The following ERI1 variants were observed in gnomAD, a reference collection of about 807,000 sequenced individuals.
ERI1 encodes 3'-5' exoribonuclease 1.
ERI1 carries 39 observed loss-of-function variants against 39.7 expected under a neutral mutation model. That is an observed-to-expected ratio of 0.98 (90% CI 0.76 to 1.28). The LOEUF is 1.28. Ranked by LOEUF, ERI1 falls within the 50% of genes most tolerant of loss-of-function variation. The pLI, the probability that ERI1 is intolerant of heterozygous loss-of-function variation, is 0.00. For missense variants in ERI1, 581 were observed against 416.9 expected (o/e 1.39, Z -3.43); for synonymous variants, 204 against 149.6 (o/e 1.36, Z -2.65).
chr8:9,076,739 T>G (rs761798506), intron 3 of ERI1, among the ~76,000 whole-genome samples: 42 of 152,184 alleles, frequency 2.8e-4, no homozygotes, highest in Non-Finnish European at 5.6e-4. Flanking sequence ...CTGGGCATAT[T>G]TAACAAGAAG....
At chr8:9,025,457 C>T (rs1009498569) in intron 6 of ERI1, among the ~76,000 whole-genome samples, 1 of 152,218 alleles carries the variant, frequency 6.6e-6, no homozygotes, top group Non-Finnish European at 1.5e-5. Flanking sequence ...CTGCGTTTTG[C>T]AGCGCTTCTT....
At chr8:9,011,037 TTTCATA>T (rs1420149988) in intron 2 of ERI1, among the ~76,000 whole-genome samples, 53 of 152,304 alleles carry the variant, frequency 3.5e-4, no homozygotes, top group South Asian at 2.3e-3. Flanking sequence ...CTCATAATGC[TTTCATA>T]TTCATATGAA....
At chr8:9,037,585 G>C (rs145781604), downstream of ERI1, among the ~76,000 whole-genome samples, 354 of 152,052 alleles carry the variant, frequency 2.3e-3, no homozygotes, top group Non-Finnish European at 3.9e-3. Context: ...AAGACACAAT[G>C]GGTGCTTAGT....
chr8:9,060,436 T>C (rs187065245), intron 3 of ERI1, among the ~76,000 whole-genome samples: 70 of 151,414 alleles, frequency 4.6e-4, no homozygotes, highest in African/African-American at 1.6e-3. Flanking sequence ...GCTTGATGTG[T>C]AGCGAAGGGA....
At chr8:9,006,255 C>A (rs924920485) in intron 1 of ERI1, among the ~76,000 whole-genome samples, 1 of 152,190 alleles carries the variant, frequency 6.6e-6, no homozygotes, top group South Asian at 2.1e-4. Flanking sequence ...TGGACCTCGG[C>A]TGTCTCTAGA....
chr8:9,049,096 T>C (rs569926856), intron 3 of ERI1, among the ~76,000 whole-genome samples: 1 of 151,888 alleles, frequency 6.6e-6, no homozygotes, highest in Admixed American at 6.5e-5. Flanking sequence ...TCCAGCACTT[T>C]GGGAGGTCGA....
chr8:9,021,879 G>T (rs148691539), intron 6 of ERI1, among the ~76,000 whole-genome samples: 57 of 148,088 alleles, frequency 3.8e-4, no homozygotes, highest in South Asian at 2.3e-3. Flanking sequence ...GACTATACCA[G>T]ATTTGTTTAT....
At chr8:9,004,661 C>G (rs1815778137) in intron 1 of ERI1, among the ~76,000 whole-genome samples, 1 of 148,392 alleles carries the variant, frequency 6.7e-6, no homozygotes, top group Non-Finnish European at 1.5e-5. Context: ...GAGACCCTGT[C>G]TCAAAAAATA....
At chr8:9,021,179 A>G (rs1817851393) in intron 6 of ERI1, among the ~76,000 whole-genome samples, 1 of 152,070 alleles carries the variant, frequency 6.6e-6, no homozygotes, top group Admixed American at 6.6e-5. Context: ...GGATGTAATA[A>G]TTTACTTCCG....
chr8:9,011,531 C>G lies in ERI1; in HGVS notation c.288-11C>G. On this transcript the variant is annotated splice_polypyrimidine_tract_variant and intron_variant, in intron 2 of 6. Transcript: ENST00000250263. ...TTACCTAAGTGTAACTAGTCTTCTT[C>G]TTCTACTTAGAGGAGTAAAGGATGT... 6.4e-7 allele frequency: 1 copy of G among 1,557,358 alleles called. No homozygotes were observed. The highest frequency in any genetic ancestry group is 8.7e-7 in the Non-Finnish European group (1 of 1,143,000).
chr8:9,082,742 C>T (rs1005501840), intron 3 of ERI1, among the ~76,000 whole-genome samples: 2 of 152,200 alleles, frequency 1.3e-5, no homozygotes, highest in African/African-American at 4.8e-5. Context: ...GAAAGTCCAC[C>T]CTTGAACCTA....
chr8:9,088,331 C>T (rs1015493934), intron 3 of ERI1: 2 of 152,048 alleles, frequency 1.3e-5, no homozygotes, highest in Admixed American at 6.5e-5. Flanking sequence ...TTCACTGACT[C>T]AATTTCCCAC....
In ERI1 at chr8:9,030,129, C is replaced by T; in HGVS notation, c.*95C>T. ...TTAGTCCTGTAGTGCAAACTTTAAG[C>T]ACCTTAAAACATTTAAAATCTTATT... is the stretch of plus-strand genomic sequence containing the variant. On this transcript the variant is annotated 3_prime_UTR_variant, in exon 7 of 7. Coordinates refer to ENST00000250263, the MANE Select transcript of ERI1 (RefSeq NM_153332.4). 1 of 1,455,558 alleles carries T rather than the reference C, an allele frequency of 6.9e-7. No individual in the cohort carries two copies. The highest frequency in any genetic ancestry group is 1.4e-5 in the African/African-American group (1 of 71,326). The allele number at this position is 1,455,558 out of a possible 1,614,324, so 90.2% of individuals were successfully genotyped here. A position where few individuals can be genotyped will look rare whatever the true frequency, so the allele number is the denominator to read the frequency against.
At chr8:9,084,738 T>C (rs1217213226) in intron 3 of ERI1, among the ~76,000 whole-genome samples, 1 of 152,176 alleles carries the variant, frequency 6.6e-6, no homozygotes, top group African/African-American at 2.4e-5. Flanking sequence ...CCTAACTACA[T>C]TAATAAAGCC....
intron 3 of ERI1, among the ~76,000 whole-genome samples, chr8:9,055,380 A>C (rs981357729): frequency 5.9e-5 from 9 of 152,202 alleles, no homozygotes; most frequent in African/African-American, 2.2e-4. Flanking sequence ...GCCAAACTTG[A>C]CTTAACAGAA....
chr8:9,016,668 A>G (rs114163159), intron 4 of ERI1, among the ~76,000 whole-genome samples: 1 of 151,956 alleles, frequency 6.6e-6, no homozygotes, highest in African/African-American at 2.4e-5. Flanking sequence ...AATTGTTTCC[A>G]TACTGAACTT....
chr8:9,046,122 C>G (rs867758167), intron 3 of ERI1, among the ~76,000 whole-genome samples: 1 of 152,174 alleles, frequency 6.6e-6, no homozygotes, highest in Non-Finnish European at 1.5e-5. Flanking sequence ...ATCCTTAGAT[C>G]TGGAGACCTT....
chr8:9,083,249 A>G (rs1025163441), intron 3 of ERI1, among the ~76,000 whole-genome samples: 3 of 152,150 alleles, frequency 2.0e-5, no homozygotes, highest in Admixed American at 2.0e-4. Flanking sequence ...AGTGAAAAAT[A>G]TTACTTCTTT....
rs1816697255 is a variant in ERI1, at chr8:9,011,757, G to A, written c.498+5G>A. 1.3e-6 allele frequency: 2 copies of A among 1,579,266 alleles called. No individual in the cohort carries two copies. Among genetic ancestry groups the A allele is most frequent in the Middle Eastern group, 1.8e-4 (1 of 5,486 alleles). ...AATACGCATACTTTAGAAATAGTAA[G>A]TGAATTTTTGTATTTTAATTGTATT... On this transcript the variant is annotated splice_donor_5th_base_variant and intron_variant, in intron 3 of 6. Transcript: ENST00000250263.
Sources: gnomAD v4.1 joint callset for allele counts (sites outside exome capture counted in the v4.1 genomes callset) on GRCh38, gnomAD v4.1.1 for gene constraint, MANE v1.5 for transcripts, NCBI Gene and HGNC (gene_info 2026-07-23, HGNC 2026-07-21) for gene names.